AIG1: variants seen among roughly 807,000 people sequenced by gnomAD.
The protein encoded by AIG1 is androgen induced 1, also known as androgen-induced gene 1 protein.
A neutral mutation model predicts 31.4 loss-of-function variants in AIG1; 23 were observed. The observed-to-expected ratio is 0.73, with a 90% CI of 0.53 to 1.04. The LOEUF (loss-of-function observed/expected upper bound fraction) is 1.04, where lower values mean the gene tolerates loss of function less well. Among genes scored for constraint, AIG1 ranks in the 50% least tolerant of loss-of-function variants. AIG1 has a pLI of 0.00. For synonymous variants in AIG1, 100 were observed against 110.5 expected (o/e 0.90, Z 0.60); for missense variants, 274 against 295.0 (o/e 0.93, Z 0.52).
intron 4 of AIG1, among the ~76,000 whole-genome samples, chr6:143,287,704 A>T (rs1184269519): frequency 3.6e-5 from 5 of 140,156 alleles, no homozygotes; most frequent in African/African-American, 1.4e-4. Context: ...CTGTTATTGT[A>T]TATAAAGCCC....
In AIG1 at chr6:143,280,588, G is replaced by A. The variant is rs1797278310; in HGVS notation, c.400-3522G>A. On this transcript the variant is annotated intron_variant, in intron 3 of 5. Coordinates refer to ENST00000357847, the MANE Select transcript of AIG1 (RefSeq NM_016108.4). This position sits in a 1 kb window ranked among gnomAD's most constrained non-coding sequence, Gnocchi z 4.1. ...CTTTTGCAGGAGCATGGATGGAGAT[G>A]GAGGCTGTAATCCTTAGCAAACTAA... Among the ~76,000 whole-genome samples, 1 of 152,198 alleles carries A rather than the reference G, an allele frequency of 6.6e-6. No individual in the cohort carries two copies. The highest frequency in any genetic ancestry group is 6.5e-5 in the Admixed American group (1 of 15,284).
intron 3 of AIG1, among the ~76,000 whole-genome samples, chr6:143,172,120 C>G (rs1255728231): frequency 6.6e-6 from 1 of 152,088 alleles, no homozygotes; most frequent in Non-Finnish European, 1.5e-5. Context: ...AAGATTTTCT[C>G]CCATTCTGTG....
rs1776625425 is a variant in AIG1 at position 143,326,510 on chromosome 6, A to G, written c.516-6772A>G. ...GAGGATCCAAGGAGAGGTAAAAATA[A>G]ACAGTCCCTCACCCCACCGAACTTA... On this transcript the variant is annotated intron_variant, in intron 4 of 5. Transcript: ENST00000357847. This position sits in a 1 kb window ranked among gnomAD's most constrained non-coding sequence, Gnocchi z 4.5. Among the ~76,000 whole-genome samples the G allele has an allele frequency of 6.6e-6, 1 of 152,206 alleles. No individual in the cohort carries two copies. Among genetic ancestry groups the G allele is most frequent in the Non-Finnish European group, 1.5e-5 (1 of 68,032 alleles).
At chr6:143,085,299 A>G (rs942455111) in intron 1 of AIG1, among the ~76,000 whole-genome samples, 4 of 152,182 alleles carry the variant, frequency 2.6e-5, no homozygotes, top group Non-Finnish European at 5.9e-5. Context: ...GATGAGCATT[A>G]GTCATAGGTG....
intron 2 of AIG1, among the ~76,000 whole-genome samples, chr6:143,152,743 C>T (rs147748815): frequency 6.6e-6 from 1 of 152,154 alleles, no homozygotes; most frequent in South Asian, 2.1e-4. Context: ...AAAGTTTCCT[C>T]CCTCCAGGCC....
intron 3 of AIG1, among the ~76,000 whole-genome samples, chr6:143,184,601 G>C (rs7768795): frequency 1 from 151,831 of 152,340 alleles, 75,662 homozygotes; most frequent in Middle Eastern, 1. Flanking sequence ...TCCAAAATAG[G>C]TCCCGGATCG....
intron 1 of AIG1, among the ~76,000 whole-genome samples, chr6:143,066,217 A>G (rs1052058215): frequency 5.3e-5 from 8 of 151,994 alleles, no homozygotes; most frequent in Non-Finnish European, 1.2e-4. Flanking sequence ...TTGTTTTTTC[A>G]TTTACATGGA....
At chr6:143,262,340 G>A (rs534948241) in intron 3 of AIG1, among the ~76,000 whole-genome samples, 2 of 152,284 alleles carry the variant, frequency 1.3e-5, no homozygotes, top group South Asian at 2.1e-4. Context: ...GGCTCCATCC[G>A]CAAGTAAGTA....
In AIG1 at chr6:143,333,232, C is replaced by G; in HGVS notation, c.516-50C>G. The G allele has an allele frequency of 6.6e-7, 1 of 1,517,966 alleles. No homozygotes were observed. The highest frequency in any genetic ancestry group is 8.8e-7 in the Non-Finnish European group (1 of 1,131,988). The allele number at this position is 1,517,966 out of a possible 1,614,324, so 94.0% of individuals were successfully genotyped here. ...ATTTGCATCATAGCAGCTTTGATGCCTGCCATAAGAGTGACTCCTGTCCTT... is the reference window on the plus strand; with the variant it reads ...ATTTGCATCATAGCAGCTTTGATGCGTGCCATAAGAGTGACTCCTGTCCTT... On this transcript the variant is annotated intron_variant, in intron 4 of 5. Transcript: ENST00000357847. The surrounding 1 kb of genome is among the most constrained non-coding windows in gnomAD (Gnocchi z 4.6).
At chr6:143,306,625 C>G (rs1799333261) in intron 4 of AIG1, among the ~76,000 whole-genome samples, 1 of 152,036 alleles carries the variant, frequency 6.6e-6, no homozygotes, top group Non-Finnish European at 1.5e-5. Context: ...TCTCTGGCTT[C>G]CCTTAACATT....
At chr6:143,186,382 T>C (rs1222190395) in intron 3 of AIG1, among the ~76,000 whole-genome samples, 1 of 152,224 alleles carries the variant, frequency 6.6e-6, no homozygotes, top group Non-Finnish European at 1.5e-5. Context: ...CAGCTAATGA[T>C]CTAATTCAGA....
intron 1 of AIG1, among the ~76,000 whole-genome samples, chr6:143,069,440 A>G (rs910559127): frequency 3.1e-4 from 47 of 152,206 alleles, no homozygotes; most frequent in African/African-American, 1.1e-3. Flanking sequence ...ACCACCAGCA[A>G]TGTGTGAGAG....
intron 4 of AIG1, among the ~76,000 whole-genome samples, chr6:143,285,277 G>A (rs79414625): frequency 0.015 from 2,337 of 151,502 alleles, 63 homozygotes; most frequent in African/African-American, 0.054. Context: ...CACACCCTGT[G>A]GCTGGATATA....
At chr6:143,117,504 G>A (rs904293018) in intron 1 of AIG1, among the ~76,000 whole-genome samples, 1 of 151,938 alleles carries the variant, frequency 6.6e-6, no homozygotes, top group Non-Finnish European at 1.5e-5. Flanking sequence ...AGCCTGAGTG[G>A]CCATCCATTG....
rs144124468 is a variant in AIG1 at position 143,083,155 on chromosome 6, G to A, written c.141+22089G>A. Among the ~76,000 whole-genome samples the A allele has an allele frequency of 2.3e-3, 354 of 152,346 alleles. 1 individual carries two copies. The highest frequency in any genetic ancestry group is 4.2e-3 in the Non-Finnish European group (287 of 68,032). ...GTAAGTGTTTAACCTGCTGTAAGCAGAGCTGAGCCTTTGGTTTGGAAACCT... is the reference window on the plus strand; with the variant it reads ...GTAAGTGTTTAACCTGCTGTAAGCAAAGCTGAGCCTTTGGTTTGGAAACCT... On this transcript the variant is annotated intron_variant, in intron 1 of 5. Coordinates refer to ENST00000357847, the MANE Select transcript of AIG1 (RefSeq NM_016108.4).
At chr6:143,190,795 G>A (rs1168819988) in intron 3 of AIG1, among the ~76,000 whole-genome samples, 1 of 152,142 alleles carries the variant, frequency 6.6e-6, no homozygotes, top group Non-Finnish European at 1.5e-5. Flanking sequence ...ATGTTTGAAA[G>A]CGATATGATC....
At chr6:143,211,146 A>G (rs1359301439) in intron 3 of AIG1, among the ~76,000 whole-genome samples, 1 of 152,154 alleles carries the variant, frequency 6.6e-6, no homozygotes, top group Admixed American at 6.5e-5. Flanking sequence ...TGTTAAAGCT[A>G]AGTGACTTAC....
intron 3 of AIG1, among the ~76,000 whole-genome samples, chr6:143,194,742 G>C (rs142722607): frequency 7.2e-5 from 11 of 152,122 alleles, no homozygotes; most frequent in African/African-American, 2.7e-4. Flanking sequence ...ATGTCTCCAC[G>C]TCACGGCAGG....
At chr6:143,189,108 A>C (rs955915491) in intron 3 of AIG1, 3 of 761,436 alleles carry the variant, frequency 3.9e-6, no homozygotes, top group Non-Finnish European at 4.8e-6. Flanking sequence ...CAGTGGCACT[A>C]TCATGGCTCA....
Sources: allele counts gnomAD v4.1 joint callset (sites outside exome capture counted in the v4.1 genomes callset), GRCh38; gene constraint gnomAD v4.1.1; non-coding constraint Gnocchi (gnomAD v3.1); transcripts MANE v1.5; gene names NCBI Gene and HGNC (gene_info 2026-07-23, HGNC 2026-07-21).